EYS: variants seen among roughly 807,000 people sequenced by gnomAD.
The protein encoded by EYS is EGF-like photoreceptor maintenance factor.
EYS carries 250 observed loss-of-function variants against 282.1 expected under a neutral mutation model. That is an observed-to-expected ratio of 0.89 (90% CI 0.80 to 0.98). The LOEUF (loss-of-function observed/expected upper bound fraction) is 0.98. Ranked by LOEUF, EYS falls within the 50% of genes least tolerant of loss-of-function variation. The pLI is 0.00. For missense variants in EYS, 4,016 were observed against 3,709.0 expected (o/e 1.08, Z -2.15); for synonymous variants, 1,355 against 1,282.9 (o/e 1.06, Z -1.20).
chr6:64,586,119 A>T (rs1418961263), intron 26 of EYS, among the ~76,000 whole-genome samples: 1 of 152,060 alleles, frequency 6.6e-6, no homozygotes, highest in African/African-American at 2.4e-5. Context: ...GGTCGTTAGG[A>T]GGTGTTTAGA....
chr6:63,940,086 C>T (rs1183426909), intron 35 of EYS, among the ~76,000 whole-genome samples: 2 of 152,192 alleles, frequency 1.3e-5, no homozygotes, highest in African/African-American at 2.4e-5. Context: ...GCAGTAAAAA[C>T]TGATCTCCTG....
chr6:64,787,153 T>C (rs950600816), intron 22 of EYS, among the ~76,000 whole-genome samples: 6 of 152,196 alleles, frequency 3.9e-5, no homozygotes, highest in African/African-American at 9.6e-5. Flanking sequence ...TATGAGTCCC[T>C]TGTGCCAGTA....
intron 12 of EYS, among the ~76,000 whole-genome samples, chr6:65,084,190 A>G (rs1774302408): frequency 6.6e-6 from 1 of 152,080 alleles, no homozygotes; most frequent in Non-Finnish European, 1.5e-5. Context: ...AAGACAGCAC[A>G]CAGAGTCCTG....
At chr6:63,832,415 A>T (rs1214158648) in intron 36 of EYS, among the ~76,000 whole-genome samples, 1 of 152,214 alleles carries the variant, frequency 6.6e-6, no homozygotes. Flanking sequence ...AATACAAACT[A>T]CCATCAGGAA....
chr6:65,329,235 A>G, intron 11 of EYS: 1 of 447,084 alleles, frequency 2.2e-6, no homozygotes, highest in Non-Finnish European at 3.0e-6. Context: ...AATTGTGTAT[A>G]GATGAGTTAA....
At chr6:65,239,345 C>T (rs1039084422) in intron 12 of EYS, among the ~76,000 whole-genome samples, 1 of 151,762 alleles carries the variant, frequency 6.6e-6, no homozygotes, top group Admixed American at 6.6e-5. Context: ...CACATGTGAC[C>T]AATAAGGTTT....
intron 14 of EYS, among the ~76,000 whole-genome samples, chr6:64,993,915 A>G (rs1771163091): frequency 6.6e-6 from 1 of 151,024 alleles, no homozygotes; most frequent in Non-Finnish European, 1.5e-5. Flanking sequence ...TGATATTTAT[A>G]TATATATATT....
intron 22 of EYS, among the ~76,000 whole-genome samples, chr6:64,755,201 A>AACCTGG (rs1379627104): frequency 6.6e-6 from 1 of 152,116 alleles, no homozygotes; most frequent in Non-Finnish European, 1.5e-5. Flanking sequence ...TACCTATAAA[A>AACCTGG]ACCTATGGAA....
chr6:64,782,547 T>C (rs1773892864), intron 22 of EYS, among the ~76,000 whole-genome samples: 1 of 152,224 alleles, frequency 6.6e-6, no homozygotes, highest in African/African-American at 2.4e-5. Context: ...TTCCTTCTAA[T>C]TTTTAAGCTA....
chr6:64,975,902 T>G (rs1770461780), intron 14 of EYS, among the ~76,000 whole-genome samples: 1 of 151,848 alleles, frequency 6.6e-6, no homozygotes, highest in Non-Finnish European at 1.5e-5. Context: ...GAGGCCTATT[T>G]TATGTGATTT....
intron 22 of EYS, among the ~76,000 whole-genome samples, chr6:64,763,954 G>A (rs935087622): frequency 6.6e-6 from 1 of 152,192 alleles, no homozygotes; most frequent in Admixed American, 6.5e-5. Context: ...GATGCAAGAG[G>A]TAGTCTGCCA....
intron 5 of EYS, among the ~76,000 whole-genome samples, chr6:65,407,744 C>CGTGTGT (rs71002305): frequency 3.1e-3 from 453 of 144,214 alleles, no homozygotes; most frequent in Middle Eastern, 0.014. Context: ...CTAATAAGTC[C>CGTGTGT]GTGTGTGTGT....
intron 12 of EYS, among the ~76,000 whole-genome samples, chr6:65,123,149 C>G (rs1291465650): frequency 1.3e-5 from 2 of 152,066 alleles, no homozygotes; most frequent in African/African-American, 4.8e-5. Context: ...AACATCCTTT[C>G]TTCGACTGGG....
rs558295342 is a variant in EYS, at chr6:65,495,878, T to C, written c.-217A>G. The stretch of plus-strand genomic sequence containing the variant: ...ACTTACTGCGGTCTTTTGTGTTTTC[T>C]CTTTACACCAAGCTTCAATCTAATC... On this transcript the variant is annotated 5_prime_UTR_variant, in exon 3 of 43. Transcript: ENST00000503581. The C allele has an allele frequency of 5.9e-6, 1 of 170,162 alleles. No homozygotes were observed. The highest frequency in any genetic ancestry group is 2.4e-5 in the African/African-American group (1 of 41,690). 10.5% of individuals were successfully genotyped at this position (170,162 alleles called of 1,614,324 possible).
At chr6:64,683,887 T>A (rs1184290215) in intron 22 of EYS, among the ~76,000 whole-genome samples, 1 of 152,062 alleles carries the variant, frequency 6.6e-6, no homozygotes, top group Non-Finnish European at 1.5e-5. Context: ...CACAGGAAAT[T>A]CCTCCTTATC....
At chr6:65,621,205 G>T (rs543751186) in intron 2 of EYS, among the ~76,000 whole-genome samples, 8 of 151,952 alleles carry the variant, frequency 5.3e-5, no homozygotes, top group Non-Finnish European at 5.9e-5. Context: ...TTTGTAGGTC[G>T]CTCAGGACTT....
At chr6:63,792,464 G>A (rs1002585005) in intron 37 of EYS, among the ~76,000 whole-genome samples, 13 of 152,032 alleles carry the variant, frequency 8.6e-5, no homozygotes, top group Non-Finnish European at 1.5e-5. Context: ...ATCATTTAGG[G>A]AATGGTTCAA....
rs1327358769 is a variant in EYS at position 65,057,638 on chromosome 6, A to G, written c.2113T>C (p.Cys705Arg). 3.2e-6 allele frequency: 5 copies of G among 1,549,892 alleles called. No homozygotes were observed. The Admixed American group carries it at 9.8e-5, about 30-fold the overall frequency. Residue 705 changes from cysteine (C) to arginine (R), a missense_variant, in exon 13 of 43, where the codon TGC becomes CGC. Physicochemically the swap from Cys to Arg is radical, Grantham distance 180. Coordinates refer to ENST00000503581, the MANE Select transcript of EYS (RefSeq NM_001142800.2). Reference sequence around the variant, plus strand: ...CCTTTAAATGGAGGCACACACTGGCAGAAGTAATTACCAGGTTGGTCAATG... The same window carrying G: ...CCTTTAAATGGAGGCACACACTGGCGGAAGTAATTACCAGGTTGGTCAATG... ...TCIDQPGNYF[C>R]QCVPPFKVVD...
intron 22 of EYS, among the ~76,000 whole-genome samples, chr6:64,774,597 C>T (rs1375490425): frequency 6.6e-6 from 1 of 151,900 alleles, no homozygotes. Context: ...ACAAGGACTT[C>T]ATTTTCTGTC....
Sources: gnomAD v4.1 joint callset for allele counts (sites outside exome capture counted in the v4.1 genomes callset) on GRCh38, gnomAD v4.1.1 for gene constraint, MANE v1.5 for transcripts, NCBI Gene and HGNC (gene_info 2026-07-23, HGNC 2026-07-21) for gene names.